CERS3: variants seen among roughly 807,000 people sequenced by gnomAD.
The protein encoded by CERS3 is ceramide synthase 3.
A neutral mutation model predicts 50.3 loss-of-function variants in CERS3; 33 were observed. The ratio of observed to expected loss-of-function variants is 0.66; its 90% confidence interval spans 0.50 to 0.88. The LOEUF (loss-of-function observed/expected upper bound fraction) is 0.88, where lower values mean the gene tolerates loss of function less well. Ranked by LOEUF, CERS3 falls within the 40% of genes least tolerant of loss-of-function variation. CERS3 has a pLI of 0.00. For synonymous variants in CERS3, 176 were observed against 155.2 expected (o/e 1.13, Z -0.99); for missense variants, 470 against 460.3 (o/e 1.02, Z -0.19).
intron 7 of CERS3, 35 bp downstream of exon 7, chr15:100,479,393 C>A: frequency 1.3e-6 from 2 of 1,513,166 alleles, no homozygotes; most frequent in South Asian, 2.4e-5. Context: ...TCTTGGTGTT[C>A]AAGTAAGGGG....
At chr15:100,513,656 G>A (rs879938328) in intron 2 of CERS3, among the ~76,000 whole-genome samples, 8 of 150,990 alleles carry the variant, frequency 5.3e-5, no homozygotes, top group Non-Finnish European at 1.0e-4. Context: ...TCCCACCTCA[G>A]CCTCCTAAGT....
At chr15:100,511,160 G>T (rs1026057368) in intron 2 of CERS3, among the ~76,000 whole-genome samples, 6 of 152,066 alleles carry the variant, frequency 3.9e-5, no homozygotes, top group African/African-American at 1.4e-4. Flanking sequence ...GTGGTGGAAG[G>T]TGCCTGTAAT....
chr15:100,492,085 T>C (rs2035670007), intron 3 of CERS3, among the ~76,000 whole-genome samples: 1 of 152,208 alleles, frequency 6.6e-6, no homozygotes, highest in Non-Finnish European at 1.5e-5. Flanking sequence ...ATCTAAATCC[T>C]TTCACATTTA....
At chr15:100,437,234 C>T (rs760516274) in intron 11 of CERS3, among the ~76,000 whole-genome samples, 18 of 152,180 alleles carry the variant, frequency 1.2e-4, no homozygotes, top group Admixed American at 3.9e-4. Context: ...TATGAGCCAC[C>T]GCACCTGGCC....
At chr15:100,543,609 C>A (rs1596843282) in intron 1 of CERS3, among the ~76,000 whole-genome samples, 1 of 151,188 alleles carries the variant, frequency 6.6e-6, no homozygotes, top group African/African-American at 2.4e-5. Flanking sequence ...GGCTCACTGT[C>A]ACCTCTGCCT....
chr15:100,508,061 C>G (rs1028187291), intron 2 of CERS3, among the ~76,000 whole-genome samples: 1 of 152,202 alleles, frequency 6.6e-6, no homozygotes, highest in Non-Finnish European at 1.5e-5. Context: ...TCCACACCCT[C>G]CTTTAGAGAA....
chr15:100,513,025 G>A (rs1222366805), intron 2 of CERS3, among the ~76,000 whole-genome samples: 5 of 152,240 alleles, frequency 3.3e-5, no homozygotes, highest in Middle Eastern at 3.4e-3. Flanking sequence ...TATTTTCCTA[G>A]CAAAACTAAT....
intron 5 of CERS3, among the ~76,000 whole-genome samples, chr15:100,482,023 C>T (rs1295348360): frequency 6.6e-6 from 1 of 152,182 alleles, no homozygotes. Flanking sequence ...TCAGTTTTCA[C>T]TTCGAATACA....
intron 11 of CERS3, among the ~76,000 whole-genome samples, chr15:100,417,236 G>T (rs796540074): frequency 1.3e-5 from 2 of 151,732 alleles, no homozygotes. Context: ...CACCGTGCGT[G>T]AGCCGAAGCA....
chr15:100,511,772 T>C lies in CERS3; in HGVS notation c.-2+9895A>G, dbSNP rs1444981973. Among the ~76,000 whole-genome samples, 9 of 16,390 alleles carry C rather than the reference T, an allele frequency of 5.5e-4. 2 individuals are homozygous for C. The highest frequency in any genetic ancestry group is 1.9e-3 in the South Asian group (1 of 514). 10.8% of individuals were successfully genotyped at this position (16,390 alleles called of 152,430 possible). On this transcript the variant is annotated intron_variant, in intron 2 of 11. Transcript: ENST00000679737. ...CATCGTAAGTCCACTGGGAGCCTGG[T>C]TTCCATTAATGTTCTGTTACATGCC...
At position 100,498,922 on chromosome 15, in the gene CERS3, G is replaced by A. The variant is rs552831628; in HGVS notation, c.173+2755C>T. On this transcript the variant is annotated intron_variant, in intron 3 of 11. Transcript: ENST00000679737. Reference sequence around the variant, plus strand: ...TTTTTATGTGTGAACAAAATATTGCGAGCAAAGTAGATCTCAGATGAAAAA... The same window carrying A: ...TTTTTATGTGTGAACAAAATATTGCAAGCAAAGTAGATCTCAGATGAAAAA... Among the ~76,000 whole-genome samples the A allele has an allele frequency of 7.3e-4, 111 of 152,234 alleles. 1 individual carries two copies. The highest frequency in any genetic ancestry group is 2.4e-3 in the African/African-American group (101 of 41,526).
At chr15:100,406,325 T>C (rs2142045943) in intron 11 of CERS3, among the ~76,000 whole-genome samples, 1 of 152,328 alleles carries the variant, frequency 6.6e-6, no homozygotes, top group African/African-American at 2.4e-5. Flanking sequence ...TTTTTCAAGA[T>C]GACATCCATA....
intron 3 of CERS3, among the ~76,000 whole-genome samples, chr15:100,492,210 C>A (rs559376177): frequency 6.6e-6 from 1 of 152,246 alleles, no homozygotes; most frequent in South Asian, 2.1e-4. Flanking sequence ...ATGTTTGTTA[C>A]GACTAGCTGG....
chr15:100,467,806 TAC>T (rs2034807424), intron 10 of CERS3, among the ~76,000 whole-genome samples: 2 of 131,668 alleles, frequency 1.5e-5, no homozygotes, highest in African/African-American at 2.8e-5. Context: ...TATATATATA[TAC>T]GTCTATATAT....
intron 2 of CERS3, among the ~76,000 whole-genome samples, chr15:100,504,398 C>A (rs1467864627): frequency 6.6e-6 from 1 of 152,018 alleles, no homozygotes; most frequent in African/African-American, 2.4e-5. Flanking sequence ...CATATGCCAC[C>A]ATGGCCAGCT....
chr15:100,539,274 C>A (rs1413851002), intron 1 of CERS3, among the ~76,000 whole-genome samples: 3 of 152,208 alleles, frequency 2.0e-5, no homozygotes, highest in Non-Finnish European at 4.4e-5. Flanking sequence ...AGTGTTCCAA[C>A]CCCTGCCTGC....
At position 100,527,679 on chromosome 15, in the gene CERS3, A is replaced by T. The variant is rs1030444963; in HGVS notation, c.-92+1134T>A. Among the ~76,000 whole-genome samples, 3 of 152,346 alleles carry T rather than the reference A, an allele frequency of 2.0e-5. No homozygotes were observed. The East Asian group carries it at 5.8e-4, about 29-fold the overall frequency. On this transcript the variant is annotated intron_variant, in intron 1 of 11. Coordinates refer to ENST00000679737, the MANE Select transcript of CERS3 (RefSeq NM_001378789.1). ...CACTAAGCCTCAATTCCTCGTCTGA[A>T]AGTGGCGTATCATGAGCCCTAAAGG...
At chr15:100,411,719 A>G (rs2031503942) in intron 11 of CERS3, among the ~76,000 whole-genome samples, 1 of 152,130 alleles carries the variant, frequency 6.6e-6, no homozygotes, top group South Asian at 2.1e-4. Flanking sequence ...TTGTAGAACT[A>G]CCATACTGTT....
intron 11 of CERS3, among the ~76,000 whole-genome samples, chr15:100,411,485 G>A (rs1265841202): frequency 2.0e-5 from 3 of 152,016 alleles, no homozygotes; most frequent in African/African-American, 7.2e-5. Context: ...TTTAAAGGCT[G>A]AATAATATTC....
Sources: allele counts gnomAD v4.1 joint callset (sites outside exome capture counted in the v4.1 genomes callset), GRCh38; gene constraint gnomAD v4.1.1; transcripts MANE v1.5; gene names NCBI Gene and HGNC (gene_info 2026-07-23, HGNC 2026-07-21).